The following KIAA1217 variants were observed in gnomAD, a reference collection of about 807,000 sequenced individuals.
KIAA1217 encodes KIAA1217.
KIAA1217 carries 88 observed loss-of-function variants against 163.9 expected under a neutral mutation model. The ratio of observed to expected loss-of-function variants is 0.54; its 90% CI spans 0.45 to 0.64. The LOEUF (loss-of-function observed/expected upper bound fraction) is 0.64. Ranked by LOEUF, KIAA1217 falls within the 30% of genes least tolerant of loss-of-function variation. The pLI is 0.00. For synonymous variants in KIAA1217, 903 were observed against 923.1 expected (o/e 0.98, Z 0.39); for missense variants, 2,372 against 2,475.0 (o/e 0.96, Z 0.88).
At chr10:23,853,199 A>T (rs1002092659) in intron 1 of KIAA1217, among the ~76,000 whole-genome samples, 8 of 152,122 alleles carry the variant, frequency 5.3e-5, no homozygotes, top group Non-Finnish European at 1.2e-4. Context: ...TCAATACCTA[A>T]TTTTTTGAGA....
At chr10:23,804,093 T>C (rs1588853766) in intron 1 of KIAA1217, among the ~76,000 whole-genome samples, 1 of 152,180 alleles carries the variant, frequency 6.6e-6, no homozygotes, top group Non-Finnish European at 1.5e-5. Flanking sequence ...GCCATAGCCA[T>C]AGACATGGAT....
At chr10:23,796,135 C>T (rs1206089431) in intron 1 of KIAA1217, among the ~76,000 whole-genome samples, 2 of 152,034 alleles carry the variant, frequency 1.3e-5, no homozygotes, top group East Asian at 3.9e-4. Flanking sequence ...TTCTTACATG[C>T]CATGCAAAGA....
intron 5 of KIAA1217, among the ~76,000 whole-genome samples, chr10:24,468,449 A>G (rs2063173454): frequency 6.6e-6 from 1 of 152,230 alleles, no homozygotes; most frequent in Non-Finnish European, 1.5e-5. Flanking sequence ...TGGCAAACCA[A>G]CATAAGAATT....
rs368052552 is a variant in KIAA1217, at chr10:24,361,844, G to A, written c.355-19025G>A. Reference sequence around the variant, plus strand: ...CAAAAAATTAGCCAGGCGTGGTGGCGGGCGCCTGTAGTCCCAGCTACTCGG... The same window carrying A: ...CAAAAAATTAGCCAGGCGTGGTGGCAGGCGCCTGTAGTCCCAGCTACTCGG... On this transcript the variant is annotated intron_variant, in intron 2 of 20. Coordinates refer to ENST00000376454, the MANE Select transcript of KIAA1217 (RefSeq NM_019590.5). Among the ~76,000 whole-genome samples, 9 of 151,808 alleles carry A rather than the reference G, an allele frequency of 5.9e-5. No homozygotes were observed. In the South Asian group the frequency reaches 1.0e-3, roughly 18 times the overall value.
intron 2 of KIAA1217, among the ~76,000 whole-genome samples, chr10:24,094,930 A>C (rs1183145906): frequency 6.6e-6 from 1 of 152,272 alleles, no homozygotes; most frequent in Middle Eastern, 3.4e-3. Flanking sequence ...AAGCAAGCCT[A>C]GGCAATGGTG....
intron 2 of KIAA1217, among the ~76,000 whole-genome samples, chr10:24,274,713 T>A (rs1231735874): frequency 6.6e-6 from 1 of 152,124 alleles, no homozygotes. Context: ...TATCAACCAA[T>A]CAACAAAAAT....
In KIAA1217 at chr10:23,708,816, G is replaced by A. The variant is rs74891669; in HGVS notation, c.-321+13582G>A. Among the ~76,000 whole-genome samples the A allele has an allele frequency of 2.7e-3, 406 of 152,300 alleles. 9 individuals carry two copies. The highest frequency in any genetic ancestry group is 0.026 in the East Asian group (133 of 5,170). On this transcript the variant is annotated intron_variant, in intron 1 of 18. Coordinates refer to the KIAA1217 transcript ENST00000376462. ...AAGAAGATGACTCTTCCTAGTTCAT[G>A]GAGAATGGATTAATGGGGCCAGACA...
At chr10:23,728,124 T>A (rs1838273933) in intron 1 of KIAA1217, among the ~76,000 whole-genome samples, 1 of 152,208 alleles carries the variant, frequency 6.6e-6, no homozygotes, top group South Asian at 2.1e-4. Flanking sequence ...GCGTGTATCT[T>A]TATAGTAGAA....
At chr10:23,909,331 C>T (rs775856175) in intron 1 of KIAA1217, among the ~76,000 whole-genome samples, 2 of 151,876 alleles carry the variant, frequency 1.3e-5, no homozygotes, top group Non-Finnish European at 1.5e-5. Flanking sequence ...CAAACACCAC[C>T]TGTTCCCCAA....
intron 1 of KIAA1217, among the ~76,000 whole-genome samples, chr10:23,943,262 T>C (rs4641366): frequency 0.15 from 22,805 of 152,206 alleles, 3,648 homozygotes; most frequent in African/African-American, 0.41. Context: ...TCCTAAGCAA[T>C]GTACAAAACA....
In KIAA1217 at chr10:23,878,147, G is replaced by A. The variant is rs146106007; in HGVS notation, c.-320-129078G>A. Among the ~76,000 whole-genome samples the A allele has an allele frequency of 2.0e-5, 3 of 152,048 alleles. No homozygotes were observed. In the East Asian group the frequency reaches 5.9e-4, roughly 30 times the overall value. On this transcript the variant is annotated intron_variant, in intron 1 of 18. Coordinates refer to the KIAA1217 transcript ENST00000376462. ...AGTTTGGCTGTGAGCAGTGCGAGAC[G>A]TTGAGTTAGATCATGGCAAGAAAAA...
intron 1 of KIAA1217, among the ~76,000 whole-genome samples, chr10:23,861,533 C>T (rs574873152): frequency 3.1e-4 from 47 of 152,082 alleles, no homozygotes; most frequent in Non-Finnish European, 5.6e-4. Flanking sequence ...TCTGTGTGGG[C>T]CCAGTCTAAT....
intron 3 of KIAA1217, among the ~76,000 whole-genome samples, chr10:24,382,199 A>G (rs1212655768): frequency 6.6e-6 from 1 of 152,036 alleles, no homozygotes; most frequent in Non-Finnish European, 1.5e-5. Flanking sequence ...GTGTTTGCAA[A>G]CAGATGGGCT....
intron 2 of KIAA1217, among the ~76,000 whole-genome samples, chr10:24,203,161 T>C (rs1164044675): frequency 7.0e-6 from 1 of 143,524 alleles, no homozygotes; most frequent in African/African-American, 2.6e-5. Flanking sequence ...CAATCTAGCC[T>C]GGGTGGTGGA....
At chr10:23,895,564 C>T (rs79593784) in intron 1 of KIAA1217, among the ~76,000 whole-genome samples, 34,759 of 152,016 alleles carry the variant, frequency 0.23, 4,117 homozygotes, top group Middle Eastern at 0.32. Context: ...CTAGTTCAGC[C>T]ATTGTGGAAG....
intron 2 of KIAA1217, among the ~76,000 whole-genome samples, chr10:24,059,160 C>T (rs1314611104): frequency 6.6e-6 from 1 of 152,174 alleles, no homozygotes; most frequent in Non-Finnish European, 1.5e-5. Flanking sequence ...CTTCATTCTG[C>T]TGATGTGGTG....
chr10:24,103,702 C>T (rs985831732), intron 2 of KIAA1217, among the ~76,000 whole-genome samples: 2 of 152,032 alleles, frequency 1.3e-5, no homozygotes, highest in East Asian at 1.9e-4. Flanking sequence ...CACCACACAC[C>T]TATTAGAATG....
At chr10:23,805,090 GT>G (rs1836670120) in intron 1 of KIAA1217, among the ~76,000 whole-genome samples, 1 of 152,216 alleles carries the variant, frequency 6.6e-6, no homozygotes, top group African/African-American at 2.4e-5. Context: ...GGAAGACAGT[GT>G]TTAAAAATCA....
intron 1 of KIAA1217, among the ~76,000 whole-genome samples, chr10:23,890,753 T>C (rs1195287442): frequency 1.3e-5 from 2 of 151,996 alleles, no homozygotes; most frequent in Non-Finnish European, 2.9e-5. Flanking sequence ...TAAATGTCAA[T>C]TAGGTTAAGT....
Sources: allele counts gnomAD v4.1 joint callset (sites outside exome capture counted in the v4.1 genomes callset), GRCh38; gene constraint gnomAD v4.1.1; transcripts MANE v1.5; gene names NCBI Gene and HGNC (gene_info 2026-07-23, HGNC 2026-07-21).